Variants in CDYL observed in about 807,000 individuals in gnomAD.
CDYL encodes the protein chromodomain Y-like protein.
A neutral mutation model predicts 47.3 loss-of-function variants in CDYL; 8 were observed. The ratio of observed to expected loss-of-function variants is 0.17; its 90% confidence interval spans 0.10 to 0.31. CDYL has a LOEUF of 0.31. CDYL is among the 10% of genes least tolerant of loss of function. The pLI is 1.00. For missense variants in CDYL, 471 were observed against 701.4 expected (o/e 0.67, Z 3.71); for synonymous variants, 266 against 265.0 (o/e 1.00, Z -0.04).
At chr6:4,836,392 C>A in intron 1 of CDYL, 1 of 366,614 alleles carries the variant, frequency 2.7e-6, no homozygotes, top group Non-Finnish European at 3.8e-6. Flanking sequence ...CAGTGTGATA[C>A]ATTTTCTGTT....
At chr6:4,826,296 T>G (rs1476145687) in intron 1 of CDYL, among the ~76,000 whole-genome samples, 1 of 152,192 alleles carries the variant, frequency 6.6e-6, no homozygotes, top group African/African-American at 2.4e-5. Flanking sequence ...TATTGAGTTC[T>G]TCAAATAACC....
intron 2 of CDYL, among the ~76,000 whole-genome samples, chr6:4,924,178 C>G (rs1224554136): frequency 6.6e-6 from 1 of 152,168 alleles, no homozygotes; most frequent in Non-Finnish European, 1.5e-5. Context: ...GTACTTTTAT[C>G]TCAAAATAGT....
chr6:4,716,759 T>C (rs1222655055), intron 2 of CDYL, among the ~76,000 whole-genome samples: 1 of 152,106 alleles, frequency 6.6e-6, no homozygotes, highest in Non-Finnish European at 1.5e-5. Context: ...CATTCTTTCA[T>C]TTATTTACCG....
At chr6:4,823,562 A>G (rs1759897735) in intron 1 of CDYL, among the ~76,000 whole-genome samples, 2 of 152,206 alleles carry the variant, frequency 1.3e-5, no homozygotes, top group South Asian at 2.1e-4. Context: ...TGTATCTCCA[A>G]AACTTTTAAA....
At chr6:4,862,800 T>G (rs1355562907) in intron 1 of CDYL, among the ~76,000 whole-genome samples, 1 of 152,184 alleles carries the variant, frequency 6.6e-6, no homozygotes, top group African/African-American at 2.4e-5. Flanking sequence ...CTTCCCTTTC[T>G]CAAAGAACTA....
At position 4,875,934 on chromosome 6, in the gene CDYL, C is replaced by T. The variant is rs1424744207; in HGVS notation, c.25-15779C>T. Among the ~76,000 whole-genome samples, 13 of 152,272 alleles carry T rather than the reference C, an allele frequency of 8.5e-5. No homozygotes were observed. The East Asian group carries it at 2.5e-3, about 29-fold the overall frequency. ...GCAAGCATTTCATTAACTGGAATTC[C>T]AGTTTGTTCATAGTTTTTTTCTTTT... On this transcript the variant is annotated intron_variant, in intron 1 of 6. Transcript: ENST00000397588.
intron 2 of CDYL, among the ~76,000 whole-genome samples, chr6:4,900,038 A>G (rs994214834): frequency 2.0e-5 from 3 of 152,222 alleles, no homozygotes; most frequent in Non-Finnish European, 4.4e-5. Flanking sequence ...TGTAAATGTC[A>G]TACATTTTTG....
intron 2 of CDYL, among the ~76,000 whole-genome samples, chr6:4,733,784 T>C (rs1757651809): frequency 6.6e-6 from 1 of 152,140 alleles, no homozygotes; most frequent in African/African-American, 2.4e-5. Context: ...GTTTGCTCTT[T>C]CTGCATTTTA....
chr6:4,830,237 A>G (rs1760097785), intron 1 of CDYL, among the ~76,000 whole-genome samples: 2 of 152,252 alleles, frequency 1.3e-5, no homozygotes, highest in Non-Finnish European at 2.9e-5. Context: ...GCGCTGGCTT[A>G]TGATTCTTCT....
At chr6:4,798,645 A>G (rs1298537378) in intron 1 of CDYL, among the ~76,000 whole-genome samples, 1 of 152,188 alleles carries the variant, frequency 6.6e-6, no homozygotes, top group Non-Finnish European at 1.5e-5. Context: ...TCAGTCTATA[A>G]TTTTCTTATT....
At position 4,953,909 on chromosome 6, in the gene CDYL, A is replaced by T. The variant is rs765234035; in HGVS notation, c.1488A>T (p.Glu496Asp). Residue 496 changes from glutamate to aspartate, a missense_variant, in exon 7 of 7, where the codon GAA (glutamate) becomes GAT (aspartate). Coordinates refer to ENST00000397588, the MANE Select transcript of CDYL (RefSeq NM_004824.4). ...GTTTTCCGGTGCAGGTGCTTGAGGA[A>T]TCCAAAGCCCTCGTGCGCTGCAACA... ...LASCNPVVLE[E>D]SKALVRCNMK... is the part of the protein sequence containing the mutation. 6 of 1,612,872 alleles carry T rather than the reference A, an allele frequency of 3.7e-6. No individual in the cohort carries two copies. The East Asian group carries it at 1.3e-4, about 36-fold the overall frequency.
chr6:4,804,915 TC>T (rs1319584043), intron 1 of CDYL, among the ~76,000 whole-genome samples: 11 of 152,226 alleles, frequency 7.2e-5, no homozygotes. Context: ...CTGTCCCATT[TC>T]TATACTTTTA....
intron 2 of CDYL, among the ~76,000 whole-genome samples, chr6:4,913,282 CAG>C (rs1554107245): frequency 6.6e-6 from 1 of 151,992 alleles, no homozygotes; most frequent in Admixed American, 6.5e-5. Context: ...TTTTTTATTT[CAG>C]GGGTGGTTTT....
chr6:4,929,606 C>T (rs1355924472), intron 2 of CDYL, among the ~76,000 whole-genome samples: 1 of 151,882 alleles, frequency 6.6e-6, no homozygotes, highest in East Asian at 1.9e-4. Flanking sequence ...CACTCAGGTT[C>T]ATCGTTTTTT....
At chr6:4,896,055 G>A (rs1269549037) in intron 2 of CDYL, among the ~76,000 whole-genome samples, 6 of 152,144 alleles carry the variant, frequency 3.9e-5, no homozygotes, top group East Asian at 3.9e-4. Context: ...CTGCCTGGGC[G>A]CTGGTCAGAT....
Position 4,708,811 on chromosome 6 carries a change from G to A in CDYL, c.-39+2560G>A, listed in dbSNP as rs1757094506. Among the ~76,000 whole-genome samples, 4 of 152,218 alleles carry A rather than the reference G, an allele frequency of 2.6e-5. 1 individual carries two copies. In the East Asian group the frequency reaches 7.8e-4, roughly 30 times the overall value. On this transcript the variant is annotated intron_variant, in intron 1 of 8. Coordinates refer to the CDYL transcript ENST00000328908. Reference sequence around the variant, plus strand: ...AGATGGGTGGATCACCTGAGGTCAGGAGTTCAAGACCAGCCCGGCCAACAT... The same window carrying A: ...AGATGGGTGGATCACCTGAGGTCAGAAGTTCAAGACCAGCCCGGCCAACAT...
chr6:4,803,285 C>G (rs1235252929), intron 1 of CDYL, among the ~76,000 whole-genome samples: 1 of 152,224 alleles, frequency 6.6e-6, no homozygotes, highest in East Asian at 1.9e-4. Flanking sequence ...TTGCTATCCT[C>G]TGCTTCCTCT....
intron 1 of CDYL, among the ~76,000 whole-genome samples, chr6:4,835,785 G>C (rs1055007104): frequency 1.8e-4 from 27 of 152,166 alleles, no homozygotes; most frequent in African/African-American, 6.5e-4. Context: ...GGCACTGGCC[G>C]GCGTCCCTCT....
intron 1 of CDYL, among the ~76,000 whole-genome samples, chr6:4,855,145 G>T (rs545698528): frequency 6.6e-6 from 1 of 152,250 alleles, no homozygotes; most frequent in African/African-American, 2.4e-5. Flanking sequence ...TTGGAGGATG[G>T]TTTATTTAAA....
Sources: allele counts gnomAD v4.1 joint callset (sites outside exome capture counted in the v4.1 genomes callset), GRCh38; gene constraint gnomAD v4.1.1; transcripts MANE v1.5; gene names NCBI Gene and HGNC (gene_info 2026-07-23, HGNC 2026-07-21).